Variants in GABBR2 observed in about 807,000 individuals in gnomAD.
GABBR2 encodes the protein gamma-aminobutyric acid type B receptor subunit 2.
In GABBR2, 23 loss-of-function variants were observed where a neutral mutation model predicts 105.6. The observed-to-expected ratio is 0.22, with a 90% CI of 0.16 to 0.31. GABBR2 has a LOEUF of 0.31. Ranked by LOEUF, GABBR2 falls within the 10% of genes least tolerant of loss-of-function variation. GABBR2 has a pLI of 1.00. For missense variants in GABBR2, 734 were observed against 1,245.5 expected, an observed-to-expected ratio of 0.59 and a Z score of 6.18; for synonymous variants, 478 against 499.7, an observed-to-expected ratio of 0.96 and a Z score of 0.58.
At chr9:98,318,919 GGTGT>G (rs56004009) in intron 13 of GABBR2, among the ~76,000 whole-genome samples, 2 of 129,234 alleles carry the variant, frequency 1.5e-5, no homozygotes, top group African/African-American at 2.7e-5. Context: ...GTGTGTTGGG[GGTGT>G]GTGTGTGTGT....
At chr9:98,535,260 G>A (rs1828152291) in intron 3 of GABBR2, among the ~76,000 whole-genome samples, 1 of 151,950 alleles carries the variant, frequency 6.6e-6, no homozygotes, top group Admixed American at 6.6e-5. Flanking sequence ...ACCATGCCCA[G>A]TTAATTTTTT....
At position 98,514,244 on chromosome 9, in the gene GABBR2, G is replaced by A. The variant is rs1457413797; in HGVS notation, c.631-17730C>T. ...ACAGGAAGGGGAATATCACACTCTG[G>A]GGACTGTTGTGGGGTAGGGGGAGGG... is the stretch of plus-strand genomic sequence containing the variant. On this transcript the variant is annotated intron_variant, in intron 3 of 18. Coordinates refer to ENST00000259455, the MANE Select transcript of GABBR2 (RefSeq NM_005458.8). Among the ~76,000 whole-genome samples, 7 of 133,186 alleles carry A rather than the reference G, an allele frequency of 5.3e-5. 1 individual carries two copies. Among genetic ancestry groups the A allele is most frequent in the African/African-American group, 1.8e-4 (7 of 37,906 alleles). 87.4% of individuals were successfully genotyped at this position (133,186 alleles called of 152,430 possible). A position where few individuals can be genotyped will look rare whatever the true frequency, so the allele number is the denominator to read the frequency against.
intron 5 of GABBR2, among the ~76,000 whole-genome samples, chr9:98,477,674 T>C (rs1826822278): frequency 6.6e-6 from 1 of 152,216 alleles, no homozygotes; most frequent in Admixed American, 6.5e-5. Flanking sequence ...TGTATACATG[T>C]AGCCATGACA....
At chr9:98,490,649 G>A (rs1455933442) in intron 4 of GABBR2, among the ~76,000 whole-genome samples, 1 of 152,184 alleles carries the variant, frequency 6.6e-6, no homozygotes, top group Non-Finnish European at 1.5e-5. Context: ...TTGAAATAAT[G>A]TACCACATAT....
intron 1 of GABBR2, among the ~76,000 whole-genome samples, chr9:98,617,644 C>A (rs1248135089): frequency 1.3e-5 from 2 of 152,164 alleles, no homozygotes; most frequent in Non-Finnish European, 2.9e-5. Flanking sequence ...ATTTCTTTGG[C>A]CTTGATTCTC....
chr9:98,311,263 G>A, intron 13 of GABBR2, 58 bp from the exon 14 acceptor site: 1 of 1,070,778 alleles, frequency 9.3e-7, no homozygotes, highest in Non-Finnish European at 1.4e-6. Context: ...CCAGCAACTG[G>A]GTCCTTATCT....
At chr9:98,706,971 G>A (rs920622964) in intron 1 of GABBR2, among the ~76,000 whole-genome samples, 1 of 152,218 alleles carries the variant, frequency 6.6e-6, no homozygotes, top group African/African-American at 2.4e-5. Context: ...GCCCTGCACA[G>A]CCAGCCAGCT....
At chr9:98,315,856 G>T (rs774078139) in intron 13 of GABBR2, among the ~76,000 whole-genome samples, 1 of 152,250 alleles carries the variant, frequency 6.6e-6, no homozygotes, top group African/African-American at 2.4e-5. Context: ...ACTCTGGAAG[G>T]CACCCACTGG....
chr9:98,487,777 C>T (rs1196113551), intron 4 of GABBR2, among the ~76,000 whole-genome samples: 1 of 152,004 alleles, frequency 6.6e-6, no homozygotes, highest in East Asian at 1.9e-4. Flanking sequence ...GACCCTGTCC[C>T]CACTCCCCCA....
At chr9:98,366,639 C>A (rs892305189) in intron 12 of GABBR2, among the ~76,000 whole-genome samples, 1 of 152,178 alleles carries the variant, frequency 6.6e-6, no homozygotes, top group Non-Finnish European at 1.5e-5. Context: ...AGGGCCAACT[C>A]ATTTCTTCAG....
At chr9:98,488,082 A>T (rs534863725) in intron 4 of GABBR2, among the ~76,000 whole-genome samples, 3 of 152,160 alleles carry the variant, frequency 2.0e-5, no homozygotes, top group Non-Finnish European at 4.4e-5. Flanking sequence ...CAGCTGAGGG[A>T]TGCAGGTGGC....
chr9:98,294,914 T>C (rs528803070), intron 17 of GABBR2, among the ~76,000 whole-genome samples: 1 of 152,360 alleles, frequency 6.6e-6, no homozygotes, highest in African/African-American at 2.4e-5. Context: ...TCAAATTCTC[T>C]CAACTCTCTC....
Position 98,396,106 on chromosome 9 carries a change from C to T in GABBR2, c.1298-1851G>A, listed in dbSNP as rs150603735. ...CCATAGCCCATGCTCTTCCCTGACA[C>T]GGGGGTGCCTTGATGGGATTCCTGA... On this transcript the variant is annotated intron_variant, in intron 8 of 18. Transcript: ENST00000259455. Among the ~76,000 whole-genome samples the T allele has an allele frequency of 9.2e-3, 1,405 of 152,272 alleles. 14 individuals are homozygous for T. The highest frequency in any genetic ancestry group is 0.013 in the Non-Finnish European group (911 of 68,016).
At chr9:98,321,449 T>C (rs2131376027) in intron 13 of GABBR2, among the ~76,000 whole-genome samples, 1 of 152,334 alleles carries the variant, frequency 6.6e-6, no homozygotes, top group Middle Eastern at 3.4e-3. Context: ...TGCCCCAACC[T>C]GGCAGAAGTC....
At chr9:98,445,675 C>T (rs1033477484) in intron 7 of GABBR2, among the ~76,000 whole-genome samples, 1 of 152,236 alleles carries the variant, frequency 6.6e-6, no homozygotes, top group South Asian at 2.1e-4. Flanking sequence ...ACCAATGCAT[C>T]GGTCATTGCT....
chr9:98,464,545 G>A (rs1162134296), intron 6 of GABBR2, among the ~76,000 whole-genome samples: 7 of 149,760 alleles, frequency 4.7e-5, no homozygotes, highest in African/African-American at 1.2e-4. Flanking sequence ...GCCTCTGCCC[G>A]GCCGCCCTGT....
rs868313566 is a variant in GABBR2 at position 98,388,660 on chromosome 9, T to C, written c.1529+194A>G. On this transcript the variant is annotated intron_variant, in intron 10 of 18. Transcript: ENST00000259455. The surrounding 1 kb of genome is among the most constrained non-coding windows in gnomAD (Gnocchi z 4.4). Reference sequence around the variant, plus strand: ...GTGTGTGTGTGTGTGTGTGTGTGTGTGCGTGCACGCACACACACGTACTCA... The same window carrying C: ...GTGTGTGTGTGTGTGTGTGTGTGTGCGCGTGCACGCACACACACGTACTCA... Among the ~76,000 whole-genome samples, 251 of 141,790 alleles carry C rather than the reference T, an allele frequency of 1.8e-3. No homozygotes were observed. The highest frequency in any genetic ancestry group is 3.4e-3 in the Admixed American group (49 of 14,556). The allele number at this position is 141,790 out of a possible 152,430, so 93.0% of individuals were successfully genotyped here.
chr9:98,556,944 T>G (rs975752518), intron 2 of GABBR2, among the ~76,000 whole-genome samples: 16 of 152,160 alleles, frequency 1.1e-4, no homozygotes, highest in African/African-American at 2.2e-4. Context: ...CTTGGGAGGC[T>G]GAGGCAGAAG....
intron 13 of GABBR2, among the ~76,000 whole-genome samples, chr9:98,332,379 A>G (rs1831043271): frequency 6.6e-6 from 1 of 152,184 alleles, no homozygotes; most frequent in Admixed American, 6.5e-5. Flanking sequence ...AATCAGACTG[A>G]TTGACCTCCT....
Sources: gnomAD v4.1 joint callset for allele counts (sites outside exome capture counted in the v4.1 genomes callset) on GRCh38, gnomAD v4.1.1 for gene constraint, Gnocchi (gnomAD v3.1) non-coding constraint, MANE v1.5 for transcripts, NCBI Gene and HGNC (gene_info 2026-07-23, HGNC 2026-07-21) for gene names.